COL19A1: variants seen among roughly 807,000 people sequenced by gnomAD.
COL19A1 encodes collagen type XIX alpha 1 chain, also known as collagen alpha-1(XIX) chain.
Under a neutral mutation model 190.2 loss-of-function variants are expected in COL19A1, and 159 were observed. That is an observed-to-expected ratio of 0.84 (90% CI 0.73 to 0.95). COL19A1 has a LOEUF of 0.95. COL19A1 is among the 40% of genes least tolerant of loss of function. COL19A1 has a pLI of 0.00. For missense variants in COL19A1, 1,418 were observed against 1,431.9 expected (o/e 0.99, Z 0.16); for synonymous variants, 509 against 458.9 (o/e 1.11, Z -1.39).
intron 34 of COL19A1, among the ~76,000 whole-genome samples, chr6:70,159,128 G>T (rs548860634): frequency 1.2e-4 from 18 of 148,280 alleles, no homozygotes; most frequent in Admixed American, 9.4e-4. Context: ...GACTGATTCA[G>T]TGTTGAGACT....
chr6:70,076,648 G>A (rs1781899061), intron 15 of COL19A1, among the ~76,000 whole-genome samples: 1 of 152,142 alleles, frequency 6.6e-6, no homozygotes, highest in East Asian at 1.9e-4. Context: ...AATCACTCAA[G>A]ACTCTAGTCT....
chr6:70,070,106 A>C (rs1201515704), intron 15 of COL19A1, among the ~76,000 whole-genome samples: 5 of 152,058 alleles, frequency 3.3e-5, no homozygotes, highest in Admixed American at 3.3e-4. Flanking sequence ...CTTCCCACCC[A>C]CATTTCTTGA....
chr6:70,163,295 G>C, intron 35 of COL19A1, 48 bp from the exon 36 acceptor site: 1 of 1,556,512 alleles, frequency 6.4e-7, no homozygotes, highest in Admixed American at 1.7e-5. Flanking sequence ...ATACCCTTTG[G>C]CCATTTAATT....
chr6:70,152,744 G>T (rs772249443), intron 31 of COL19A1, among the ~76,000 whole-genome samples: 3 of 152,108 alleles, frequency 2.0e-5, no homozygotes, highest in South Asian at 2.1e-4. Flanking sequence ...CAGGAACATA[G>T]GTCCTCAGAC....
intron 12 of COL19A1, among the ~76,000 whole-genome samples, chr6:70,024,582 C>CGTGTGT (rs71536487): frequency 1.5e-3 from 209 of 143,498 alleles, no homozygotes; most frequent in African/African-American, 4.9e-3. Flanking sequence ...TGGAGAAAGT[C>CGTGTGT]GTGTGTGTGT....
intron 9 of COL19A1, among the ~76,000 whole-genome samples, chr6:69,950,308 A>T (rs1774049685): frequency 6.6e-6 from 1 of 151,876 alleles, no homozygotes; most frequent in South Asian, 2.1e-4. Context: ...ATAAGGATGA[A>T]GTATAGCATT....
At chr6:69,892,956 C>T (rs1769453139) in intron 2 of COL19A1, among the ~76,000 whole-genome samples, 1 of 152,188 alleles carries the variant, frequency 6.6e-6, no homozygotes, top group Non-Finnish European at 1.5e-5. Context: ...AGGATACTCA[C>T]TGAGAGTTTC....
chr6:70,194,093 C>T (rs911981320), intron 48 of COL19A1, among the ~76,000 whole-genome samples: 1 of 152,202 alleles, frequency 6.6e-6, no homozygotes, highest in Non-Finnish European at 1.5e-5. Context: ...ACAGCTAATG[C>T]TATCTCTGCT....
At chr6:70,130,048 G>A in intron 17 of COL19A1, 134 bp from the exon 18 acceptor site, 3 of 788,524 alleles carry the variant, frequency 3.8e-6, no homozygotes, top group African/African-American at 1.8e-5. Flanking sequence ...AGACAAAGAT[G>A]TCTGCACAAA....
At chr6:70,200,086 G>A (rs944045064) in intron 49 of COL19A1, among the ~76,000 whole-genome samples, 1 of 152,086 alleles carries the variant, frequency 6.6e-6, no homozygotes, top group Non-Finnish European at 1.5e-5. Flanking sequence ...TCCCCTTTTG[G>A]TGTAAGTTAA....
At chr6:69,921,549 T>A (rs536551459) in intron 4 of COL19A1, among the ~76,000 whole-genome samples, 1 of 143,102 alleles carries the variant, frequency 7.0e-6, no homozygotes, top group Admixed American at 7.3e-5. Flanking sequence ...TTCATATATA[T>A]TCATATATAT....
intron 17 of COL19A1, among the ~76,000 whole-genome samples, chr6:70,129,095 G>A (rs1785366474): frequency 6.6e-6 from 1 of 152,162 alleles, no homozygotes; most frequent in Non-Finnish European, 1.5e-5. Flanking sequence ...GAGAGATCAG[G>A]GTATGGAATT....
At chr6:70,060,376 G>GCAGGGGTC (rs1403819809) in intron 14 of COL19A1, among the ~76,000 whole-genome samples, 1 of 152,096 alleles carries the variant, frequency 6.6e-6, no homozygotes, top group African/African-American at 2.4e-5. Flanking sequence ...ATCCTCTACA[G>GCAGGGGTC]CAGGGGTCCC....
chr6:69,945,389 T>C (rs148223933), intron 9 of COL19A1, among the ~76,000 whole-genome samples: 2 of 152,210 alleles, frequency 1.3e-5, no homozygotes, highest in Non-Finnish European at 2.9e-5. Flanking sequence ...TAGTCTAATA[T>C]GCTAACCCAG....
intron 14 of COL19A1, among the ~76,000 whole-genome samples, chr6:70,038,191 T>G (rs1012701196): frequency 3.9e-5 from 6 of 152,226 alleles, no homozygotes; most frequent in African/African-American, 1.4e-4. Flanking sequence ...AGTGATATAT[T>G]GGAGTCAATA....
chr6:70,052,813 GTAGA>G (rs989350721), intron 14 of COL19A1, among the ~76,000 whole-genome samples: 1 of 152,184 alleles, frequency 6.6e-6, no homozygotes, highest in Non-Finnish European at 1.5e-5. Context: ...TATATTAGAA[GTAGA>G]TAGAGTTTGG....
chr6:69,883,353 A>T (rs1004292046), intron 2 of COL19A1, among the ~76,000 whole-genome samples: 101 of 152,172 alleles, frequency 6.6e-4, no homozygotes, highest in African/African-American at 2.4e-3. Flanking sequence ...GTCCTATGAG[A>T]CCTCTTGGAA....
At chr6:70,138,497 T>C (rs1390762780) in intron 19 of COL19A1, among the ~76,000 whole-genome samples, 1 of 152,184 alleles carries the variant, frequency 6.6e-6, no homozygotes, top group African/African-American at 2.4e-5. Flanking sequence ...AAATGTTTCA[T>C]CTTTGTTTAA....
At chr6:70,130,247 A>G (rs1420763742) in intron 18 of COL19A1, 24 bp downstream of exon 18, 1 of 1,580,068 alleles carries the variant, frequency 6.3e-7, no homozygotes, top group East Asian at 2.3e-5. Context: ...TTTTTTTTAG[A>G]TGGAGTCTTG....
Sources: allele counts gnomAD v4.1 joint callset (sites outside exome capture counted in the v4.1 genomes callset), GRCh38; gene constraint gnomAD v4.1.1; transcripts MANE v1.5; gene names NCBI Gene and HGNC (gene_info 2026-07-23, HGNC 2026-07-21).